Variants in EPHA3 observed in about 807,000 individuals in gnomAD.
The protein encoded by EPHA3 is ephrin type-A receptor 3.
In EPHA3, 42 loss-of-function variants were observed where a neutral mutation model predicts 107.1. The observed-to-expected ratio is 0.39, with a 90% CI of 0.31 to 0.51. EPHA3 has a LOEUF of 0.51. Ranked by LOEUF, EPHA3 falls within the 20% of genes least tolerant of loss-of-function variation. The probability of loss-of-function intolerance (pLI) is 0.78; values close to 1 mark genes in which losing one functional copy is unlikely to be tolerated. For missense variants in EPHA3, 1,183 were observed against 1,211.2 expected, an observed-to-expected ratio of 0.98 and a Z score of 0.35; for synonymous variants, 461 against 424.8, an observed-to-expected ratio of 1.09 and a Z score of -1.05.
chr3:89,171,997 C>T (rs771352581), intron 2 of EPHA3, among the ~76,000 whole-genome samples: 11 of 152,108 alleles, frequency 7.2e-5, no homozygotes, highest in South Asian at 2.1e-4. Flanking sequence ...TTCTTCCATT[C>T]GCTTTTGTTT....
chr3:89,235,960 C>T (rs889934572), intron 3 of EPHA3, among the ~76,000 whole-genome samples: 24 of 151,834 alleles, frequency 1.6e-4, no homozygotes, highest in African/African-American at 5.3e-4. Flanking sequence ...CATATATATT[C>T]AATAAACATG....
At chr3:89,280,171 C>CAAAAT (rs1158250212) in intron 3 of EPHA3, among the ~76,000 whole-genome samples, 1 of 151,896 alleles carries the variant, frequency 6.6e-6, no homozygotes, top group Non-Finnish European at 1.5e-5. Flanking sequence ...TTATTTCCTG[C>CAAAAT]AAAAATAGAT....
At chr3:89,215,618 C>T (rs1020609986) in intron 3 of EPHA3, among the ~76,000 whole-genome samples, 11 of 151,680 alleles carry the variant, frequency 7.3e-5, no homozygotes, top group Admixed American at 2.0e-4. Context: ...TTGAATACCT[C>T]GTAATGAATA....
At chr3:89,168,054 T>C (rs1010779375) in intron 2 of EPHA3, among the ~76,000 whole-genome samples, 4 of 152,278 alleles carry the variant, frequency 2.6e-5, no homozygotes, top group Admixed American at 1.3e-4. Flanking sequence ...TGACACTGGA[T>C]AAAAAGACAA....
In EPHA3 at chr3:89,395,865, A is replaced by T; in HGVS notation, c.1335A>T (p.Lys445Asn). The T allele has an allele frequency of 6.2e-7, 1 of 1,614,082 alleles. No homozygotes were observed. The highest frequency in any genetic ancestry group is 1.7e-5 in the Admixed American group (1 of 60,006). ...CATCACCTGTCCTGACGATTAAGAAAGATCGGACCTCCAGAAATAGCATCT... is the reference window on the plus strand; with the variant it reads ...CATCACCTGTCCTGACGATTAAGAATGATCGGACCTCCAGAAATAGCATCT... ...AAPSPVLTIK[K>N]DRTSRNSISL... is the part of the protein sequence containing the mutation. Residue 445 changes from lysine (K) to asparagine (N), a missense_variant, in exon 6 of 17, where the codon AAA becomes AAT. Coordinates refer to ENST00000336596, the MANE Select transcript of EPHA3 (RefSeq NM_005233.6).
intron 3 of EPHA3, among the ~76,000 whole-genome samples, chr3:89,283,311 A>G (rs1205221586): frequency 1.3e-5 from 2 of 152,126 alleles, no homozygotes; most frequent in Non-Finnish European, 1.5e-5. Context: ...AAACAGAGGA[A>G]AAACATAATG....
chr3:89,367,707 G>A (rs987105679), intron 5 of EPHA3, among the ~76,000 whole-genome samples: 4 of 150,616 alleles, frequency 2.7e-5, no homozygotes, highest in African/African-American at 9.7e-5. Flanking sequence ...CTATTCTCCA[G>A]GATATTTTGA....
At chr3:89,328,617 A>C (rs2107393543) in intron 3 of EPHA3, among the ~76,000 whole-genome samples, 1 of 152,316 alleles carries the variant, frequency 6.6e-6, no homozygotes, top group Middle Eastern at 3.4e-3. Context: ...GAATAAGAAG[A>C]AATTGGATGC....
intron 2 of EPHA3, among the ~76,000 whole-genome samples, chr3:89,205,299 T>C (rs1338379789): frequency 1.3e-5 from 2 of 152,226 alleles, no homozygotes; most frequent in African/African-American, 4.8e-5. Flanking sequence ...GATGATATAC[T>C]AGCATAATAG....
chr3:89,208,232 T>C (rs1706155725), intron 2 of EPHA3, among the ~76,000 whole-genome samples: 1 of 151,036 alleles, frequency 6.6e-6, no homozygotes, highest in South Asian at 2.1e-4. Context: ...TAGCCAGTTG[T>C]GGTGTTGGGG....
chr3:89,358,009 TG>T (rs1489988644), intron 5 of EPHA3, among the ~76,000 whole-genome samples: 1 of 151,308 alleles, frequency 6.6e-6, no homozygotes, highest in Non-Finnish European at 1.5e-5. Context: ...ACTATTCATA[TG>T]TGTATGTGTT....
chr3:89,165,159 C>A (rs1194661729), intron 2 of EPHA3, among the ~76,000 whole-genome samples: 1 of 152,182 alleles, frequency 6.6e-6, no homozygotes, highest in African/African-American at 2.4e-5. Flanking sequence ...GACAATCCCA[C>A]TGGGATCCAT....
chr3:89,441,103 G>T (rs1269574040), intron 13 of EPHA3, among the ~76,000 whole-genome samples: 1 of 152,168 alleles, frequency 6.6e-6, no homozygotes, highest in African/African-American at 2.4e-5. Context: ...AAGACACCTG[G>T]CTAAAATTAA....
intron 3 of EPHA3, among the ~76,000 whole-genome samples, chr3:89,286,119 C>CATGT (rs1553677460): frequency 7.3e-6 from 1 of 136,562 alleles, no homozygotes; most frequent in Non-Finnish European, 1.6e-5. Context: ...TCAATTTCTA[C>CATGT]GTGTGTGTGT....
chr3:89,146,236 G>C (rs1034314306), intron 2 of EPHA3, among the ~76,000 whole-genome samples: 1 of 151,858 alleles, frequency 6.6e-6, no homozygotes, highest in African/African-American at 2.4e-5. Flanking sequence ...TAGTCACTTA[G>C]TAGCTGTCCC....
rs1315833968 is a variant in EPHA3, at chr3:89,428,123, T to C, written c.2075-983T>C. Among the ~76,000 whole-genome samples the C allele has an allele frequency of 7.9e-5, 12 of 151,990 alleles. No individual in the cohort carries two copies. In the South Asian group the frequency reaches 1.9e-3, roughly 24 times the overall value. ...TGTAGTGGAACATTTGTTATATTCA[T>C]AGCTCTGTGTATCCACTATACTTAG... On this transcript the variant is annotated intron_variant, in intron 11 of 16. Coordinates refer to ENST00000336596, the MANE Select transcript of EPHA3 (RefSeq NM_005233.6).
At chr3:89,194,998 T>C (rs1705804153) in intron 2 of EPHA3, among the ~76,000 whole-genome samples, 1 of 152,128 alleles carries the variant, frequency 6.6e-6, no homozygotes, top group African/African-American at 2.4e-5. Flanking sequence ...ACACAAGCAT[T>C]TCATAATACA....
intron 5 of EPHA3, among the ~76,000 whole-genome samples, chr3:89,352,923 A>G (rs1368432871): frequency 6.8e-6 from 1 of 148,074 alleles, no homozygotes; most frequent in Non-Finnish European, 1.5e-5. Context: ...AAAAAAAAAA[A>G]GGAAAAAGAA....
chr3:89,268,144 T>C (rs1705582303), intron 3 of EPHA3, among the ~76,000 whole-genome samples: 1 of 152,148 alleles, frequency 6.6e-6, no homozygotes, highest in South Asian at 2.1e-4. Context: ...CAATCCATTT[T>C]TCCTAGGGAT....
Sources: gnomAD v4.1 joint callset for allele counts (sites outside exome capture counted in the v4.1 genomes callset) on GRCh38, gnomAD v4.1.1 for gene constraint, MANE v1.5 for transcripts, NCBI Gene and HGNC (gene_info 2026-07-23, HGNC 2026-07-21) for gene names.